PPP3CA: variants seen among roughly 807,000 people sequenced by gnomAD.
PPP3CA encodes CAM-PRP catalytic subunit.
A neutral mutation model predicts 66.5 loss-of-function variants in PPP3CA; 14 were observed. That is an observed-to-expected ratio of 0.21 (90% CI 0.14 to 0.33). The LOEUF is 0.33. PPP3CA is among the 10% of genes least tolerant of loss of function. PPP3CA has a pLI of 1.00. For missense variants in PPP3CA, 317 were observed against 639.5 expected, an observed-to-expected ratio of 0.50 and a Z score of 5.44; for synonymous variants, 232 against 226.2, an observed-to-expected ratio of 1.03 and a Z score of -0.23.
rs542616336 is a variant in PPP3CA, at chr4:101,212,903, T to C, written c.59-16787A>G. ...TCTATGTTATAAACGGTTAAATTTATTTATTTATGGCAAGTTTTCTTAGCG... is the reference window on the plus strand; with the variant it reads ...TCTATGTTATAAACGGTTAAATTTACTTATTTATGGCAAGTTTTCTTAGCG... On this transcript the variant is annotated intron_variant, in intron 1 of 13. Coordinates refer to ENST00000394854, the MANE Select transcript of PPP3CA (RefSeq NM_000944.5). Among the ~76,000 whole-genome samples, 16 of 152,272 alleles carry C rather than the reference T, an allele frequency of 1.1e-4. No individual in the cohort carries two copies. In the East Asian group the frequency reaches 3.1e-3, roughly 29 times the overall value.
chr4:101,191,888 C>T lies in PPP3CA; in HGVS notation c.259+4028G>A, dbSNP rs534811161. Among the ~76,000 whole-genome samples the T allele has an allele frequency of 2.6e-5, 4 of 152,292 alleles. No individual in the cohort carries two copies. The South Asian group carries it at 8.3e-4, about 32-fold the overall frequency. ...GCCCCGGCACTGAGGGAATCCTCTG[C>T]TGACCCAGGGACAAATCCCCCACTG... On this transcript the variant is annotated intron_variant, in intron 2 of 13. Coordinates refer to ENST00000394854, the MANE Select transcript of PPP3CA (RefSeq NM_000944.5).
At chr4:101,092,702 C>A (rs1730009232) in intron 6 of PPP3CA, among the ~76,000 whole-genome samples, 2 of 151,898 alleles carry the variant, frequency 1.3e-5, no homozygotes, top group African/African-American at 2.4e-5. Context: ...GTTTTCTGTT[C>A]TTGTGATACT....
At chr4:101,045,476 A>G (rs1194745686) in intron 10 of PPP3CA, among the ~76,000 whole-genome samples, 3 of 152,222 alleles carry the variant, frequency 2.0e-5, no homozygotes, top group Admixed American at 6.5e-5. Context: ...TTGCAGGTAC[A>G]AGAAAAACTT....
chr4:101,261,078 C>T (rs1180735267), intron 1 of PPP3CA, among the ~76,000 whole-genome samples: 1 of 152,122 alleles, frequency 6.6e-6, no homozygotes, highest in Non-Finnish European at 1.5e-5. Flanking sequence ...TGAGCATTTA[C>T]TATATAGCAG....
intron 12 of PPP3CA, among the ~76,000 whole-genome samples, chr4:101,029,438 G>T (rs1238918402): frequency 1.4e-5 from 2 of 145,260 alleles, no homozygotes; most frequent in Non-Finnish European, 3.0e-5. Context: ...TGAATTAAAT[G>T]TTTTGGTTTT....
At chr4:101,242,859 T>A (rs932981877) in intron 1 of PPP3CA, among the ~76,000 whole-genome samples, 4 of 152,122 alleles carry the variant, frequency 2.6e-5, no homozygotes, top group Non-Finnish European at 5.9e-5. Context: ...GCCCAGGAGT[T>A]GGAGGCTGCA....
At chr4:101,321,533 G>A (rs1729040936) in intron 1 of PPP3CA, among the ~76,000 whole-genome samples, 2 of 152,256 alleles carry the variant, frequency 1.3e-5, no homozygotes, top group Middle Eastern at 3.4e-3. Flanking sequence ...CTTCGGTAAT[G>A]ACAATAAAAT....
intron 2 of PPP3CA, among the ~76,000 whole-genome samples, chr4:101,159,435 T>C (rs900930432): frequency 6.6e-6 from 1 of 152,190 alleles, no homozygotes; most frequent in Admixed American, 6.5e-5. Context: ...TAATCTGGGT[T>C]TACATTATCT....
At chr4:101,030,290 G>A (rs1162644581) in intron 12 of PPP3CA, among the ~76,000 whole-genome samples, 1 of 152,064 alleles carries the variant, frequency 6.6e-6, no homozygotes, top group African/African-American at 2.4e-5. Context: ...TAAAACTACA[G>A]CAACTGCAAA....
chr4:101,319,726 T>C (rs1210776540), intron 1 of PPP3CA, among the ~76,000 whole-genome samples: 2 of 152,248 alleles, frequency 1.3e-5, no homozygotes, highest in South Asian at 2.1e-4. Context: ...AGAACAGAAG[T>C]ATAATGGTAT....
intron 1 of PPP3CA, among the ~76,000 whole-genome samples, chr4:101,309,030 G>A (rs190347326): frequency 4.6e-5 from 7 of 152,198 alleles, no homozygotes; most frequent in African/African-American, 1.7e-4. Context: ...GCGAGGCTGA[G>A]GCAGAAGAAT....
intron 1 of PPP3CA, among the ~76,000 whole-genome samples, chr4:101,303,181 A>C (rs926755114): frequency 6.6e-6 from 1 of 152,164 alleles, no homozygotes; most frequent in African/African-American, 2.4e-5. Context: ...AAAATGTGTA[A>C]TTCTGACTCA....
At chr4:101,253,924 T>G (rs1578598260) in intron 1 of PPP3CA, among the ~76,000 whole-genome samples, 1 of 152,058 alleles carries the variant, frequency 6.6e-6, no homozygotes, top group Admixed American at 6.6e-5. Context: ...AATAAAATTA[T>G]ACAATACAGG....
intron 8 of PPP3CA, among the ~76,000 whole-genome samples, chr4:101,070,998 T>C (rs565641160): frequency 2.1e-4 from 32 of 152,348 alleles, no homozygotes; most frequent in Admixed American, 8.5e-4. Flanking sequence ...ATCTGTATTA[T>C]AATAATGCTA....
chr4:101,046,202 C>T (rs1282105860), intron 10 of PPP3CA, among the ~76,000 whole-genome samples: 2 of 152,028 alleles, frequency 1.3e-5, no homozygotes, highest in African/African-American at 4.8e-5. Context: ...AAAGTCTAAT[C>T]CAACAGATTC....
chr4:101,283,485 A>G (rs936312910), intron 1 of PPP3CA, among the ~76,000 whole-genome samples: 2 of 152,220 alleles, frequency 1.3e-5, no homozygotes, highest in Admixed American at 6.5e-5. Context: ...AAAAAGGTAA[A>G]TAAGTCAGGT....
intron 1 of PPP3CA, among the ~76,000 whole-genome samples, chr4:101,295,307 C>CAAAAAA (rs527366396): frequency 5.0e-4 from 21 of 41,988 alleles, no homozygotes; most frequent in East Asian, 1.3e-3. Flanking sequence ...GACTCCGTCT[C>CAAAAAA]AAAAAAAAAA....
rs538354889 is a variant in PPP3CA, at chr4:101,277,643, T to C, written c.58+69096A>G. Among the ~76,000 whole-genome samples the C allele has an allele frequency of 8.5e-5, 13 of 152,280 alleles. No individual in the cohort carries two copies. The East Asian group carries it at 2.3e-3, about 27-fold the overall frequency. ...TAGCCATTATTTCTCTAAATGTACA[T>C]AGCATAGCAAAAATGCTCCCCAAAA... is the stretch of plus-strand genomic sequence containing the variant. On this transcript the variant is annotated intron_variant, in intron 1 of 13. Transcript: ENST00000394854.
chr4:101,153,707 A>C (rs912268357), intron 2 of PPP3CA, among the ~76,000 whole-genome samples: 1 of 152,172 alleles, frequency 6.6e-6, no homozygotes, highest in Non-Finnish European at 1.5e-5. Context: ...AAAAACAAAC[A>C]GCTCCCACAG....
Sources: gnomAD v4.1 joint callset for allele counts (sites outside exome capture counted in the v4.1 genomes callset) on GRCh38, gnomAD v4.1.1 for gene constraint, MANE v1.5 for transcripts, NCBI Gene and HGNC (gene_info 2026-07-23, HGNC 2026-07-21) for gene names.